The following TNIK variants were observed in gnomAD, a reference collection of about 807,000 sequenced individuals.
TNIK encodes the protein TRAF2 and NCK interacting kinase.
Under a neutral mutation model 191.3 loss-of-function variants are expected in TNIK, and 49 were observed. The observed-to-expected ratio is 0.26, with a 90% CI of 0.20 to 0.32. The LOEUF (loss-of-function observed/expected upper bound fraction) is 0.32. TNIK is among the 10% of genes least tolerant of loss of function. The pLI, the probability that TNIK is intolerant of heterozygous loss-of-function variation, is 1.00. For synonymous variants in TNIK, 594 were observed against 600.9 expected (o/e 0.99, Z 0.17); for missense variants, 1,155 against 1,702.3 (o/e 0.68, Z 5.66).
rs920299240 is a variant in TNIK at position 171,101,343 on chromosome 3, T to C, written c.2591+106A>G. On this transcript the variant is annotated intron_variant, in intron 22 of 32. Transcript: ENST00000436636. The stretch of plus-strand genomic sequence containing the variant: ...CCAAGTCCCGAAAGTCAATTTATCT[T>C]GCCACAGACCCATATACAATCTTAC... The C allele has an allele frequency of 8.6e-6, 11 of 1,283,234 alleles. No individual in the cohort carries two copies. The African/African-American group carries it at 9.0e-5, about 10-fold the overall frequency. The allele number at this position is 1,283,234 out of a possible 1,614,324, so 79.5% of individuals were successfully genotyped here.
intron 2 of TNIK, among the ~76,000 whole-genome samples, chr3:171,344,628 T>C (rs1201857420): frequency 6.6e-6 from 1 of 152,194 alleles, no homozygotes; most frequent in Non-Finnish European, 1.5e-5. Flanking sequence ...CTAAGTTCTA[T>C]AAACATTGCT....
chr3:171,350,331 T>A (rs1323553292), intron 2 of TNIK, among the ~76,000 whole-genome samples: 1 of 152,134 alleles, frequency 6.6e-6, no homozygotes, highest in African/African-American at 2.4e-5. Flanking sequence ...TGAATCTGAA[T>A]CTAGATTAGG....
intron 18 of TNIK, among the ~76,000 whole-genome samples, chr3:171,114,110 T>C (rs1181225757): frequency 6.6e-6 from 1 of 151,954 alleles, no homozygotes. Context: ...ATTTACACAA[T>C]GCTGGGCATG....
chr3:171,280,131 A>G (rs1750254877), intron 2 of TNIK, among the ~76,000 whole-genome samples: 1 of 152,164 alleles, frequency 6.6e-6, no homozygotes, highest in Non-Finnish European at 1.5e-5. Flanking sequence ...TGTGGCACTC[A>G]TGAATGGATG....
At chr3:171,288,431 C>T (rs1751288143) in intron 2 of TNIK, among the ~76,000 whole-genome samples, 1 of 151,900 alleles carries the variant, frequency 6.6e-6, no homozygotes, top group South Asian at 2.1e-4. Flanking sequence ...CCAAGGAATA[C>T]ATTGGTGTTG....
chr3:171,393,158 AATCT>A (rs1349548958), intron 1 of TNIK, among the ~76,000 whole-genome samples: 7 of 152,196 alleles, frequency 4.6e-5, no homozygotes, highest in South Asian at 2.1e-4. Flanking sequence ...GAATGCAAAG[AATCT>A]ATCTAAGTTT....
chr3:171,400,463 G>A (rs1424216809), intron 1 of TNIK, among the ~76,000 whole-genome samples: 1 of 151,890 alleles, frequency 6.6e-6, no homozygotes, highest in African/African-American at 2.4e-5. Flanking sequence ...CAGATACTTG[G>A]GAGGCTAAGA....
chr3:171,454,885 A>G (rs1162721696), intron 1 of TNIK, among the ~76,000 whole-genome samples: 2 of 152,238 alleles, frequency 1.3e-5, no homozygotes, highest in East Asian at 1.9e-4. Flanking sequence ...TGTCCACTCT[A>G]TCTCCCAAGG....
chr3:171,296,059 T>G (rs575425773), intron 2 of TNIK, among the ~76,000 whole-genome samples: 2 of 152,196 alleles, frequency 1.3e-5, no homozygotes, highest in Non-Finnish European at 2.9e-5. Context: ...TTAAACAATG[T>G]AGAACAGTAT....
intron 2 of TNIK, among the ~76,000 whole-genome samples, chr3:171,288,375 A>G (rs1470219199): frequency 6.6e-6 from 1 of 152,162 alleles, no homozygotes; most frequent in Admixed American, 6.5e-5. Flanking sequence ...ACAATCAATT[A>G]AAAGTCTGAC....
At chr3:171,209,585 C>A (rs1480614878) in intron 4 of TNIK, among the ~76,000 whole-genome samples, 1 of 151,912 alleles carries the variant, frequency 6.6e-6, no homozygotes, top group African/African-American at 2.4e-5. Context: ...TATTTTCTCC[C>A]ACTACTTTTA....
At chr3:171,331,737 G>C (rs936093214) in intron 2 of TNIK, among the ~76,000 whole-genome samples, 4 of 152,198 alleles carry the variant, frequency 2.6e-5, no homozygotes, top group Non-Finnish European at 5.9e-5. Context: ...TGTGTGAAAT[G>C]CATGAGATCT....
chr3:171,068,374 G>A (rs938810385), intron 30 of TNIK, among the ~76,000 whole-genome samples: 3 of 152,132 alleles, frequency 2.0e-5, no homozygotes, highest in African/African-American at 7.2e-5. Flanking sequence ...GCTAATACAT[G>A]CTAGAGCCAC....
chr3:171,173,249 A>T (rs1735553041), intron 9 of TNIK, among the ~76,000 whole-genome samples: 1 of 150,950 alleles, frequency 6.6e-6, no homozygotes, highest in South Asian at 2.1e-4. Flanking sequence ...ACAAAAAATT[A>T]GCAGGGCATG....
At chr3:171,257,606 A>G (rs1321630167) in intron 2 of TNIK, among the ~76,000 whole-genome samples, 1 of 152,238 alleles carries the variant, frequency 6.6e-6, no homozygotes, top group African/African-American at 2.4e-5. Flanking sequence ...CAATAAAAGC[A>G]TGAAGAACAT....
intron 2 of TNIK, among the ~76,000 whole-genome samples, chr3:171,309,227 A>G (rs562328035): frequency 1.2e-4 from 18 of 152,310 alleles, no homozygotes; most frequent in African/African-American, 4.3e-4. Context: ...TCCATGAGAA[A>G]GAATGAGACC....
intron 1 of TNIK, among the ~76,000 whole-genome samples, chr3:171,455,109 A>G (rs1728642267): frequency 6.6e-6 from 1 of 152,190 alleles, no homozygotes. Flanking sequence ...GGGGGCGCAA[A>G]GCTCAATTCA....
At chr3:171,171,599 A>G (rs1015774271) in intron 9 of TNIK, among the ~76,000 whole-genome samples, 3 of 152,174 alleles carry the variant, frequency 2.0e-5, no homozygotes, top group Admixed American at 6.5e-5. Context: ...GGGCTCTTCA[A>G]ATTTAAAGGG....
intron 24 of TNIK, among the ~76,000 whole-genome samples, chr3:171,086,765 A>G (rs898382343): frequency 6.6e-6 from 1 of 152,194 alleles, no homozygotes; most frequent in Non-Finnish European, 1.5e-5. Context: ...TATGGGCACT[A>G]CCTACAGATT....
Sources: gnomAD v4.1 joint callset for allele counts (sites outside exome capture counted in the v4.1 genomes callset) on GRCh38, gnomAD v4.1.1 for gene constraint, MANE v1.5 for transcripts, NCBI Gene and HGNC (gene_info 2026-07-23, HGNC 2026-07-21) for gene names.